The following ESRRG variants were observed in gnomAD, a reference collection of about 807,000 sequenced individuals.
ESRRG encodes estrogen-related receptor gamma.
A neutral mutation model predicts 44.0 loss-of-function variants in ESRRG; 13 were observed. The ratio of observed to expected loss-of-function variants is 0.30; its 90% CI spans 0.19 to 0.47. The LOEUF is 0.47. ESRRG is among the 20% of genes least tolerant of loss of function. ESRRG has a pLI of 1.00. For missense variants in ESRRG, 395 were observed against 580.6 expected, an observed-to-expected ratio of 0.68 and a Z score of 3.29; for synonymous variants, 215 against 214.6, an observed-to-expected ratio of 1.00 and a Z score of -0.02.
In ESRRG at chr1:216,677,254, C is replaced by T. The variant is rs1357962607; in HGVS notation, c.294G>A (p.Arg98=). Residue 98 remains arginine, a synonymous_variant, in exon 2 of 7, where the codon AGG becomes AGA. Transcript: ENST00000408911. ...TGCTGGAGCAGTCATCATACAGTTT[C>T]CTGACAGGCCCACTACCTCCCAGGA... ...APILGGSGPV[R]KLYDDCSSTI... The T allele has an allele frequency of 2.5e-6, 4 of 1,614,040 alleles. No individual in the cohort carries two copies. The highest frequency in any genetic ancestry group is 2.7e-5 in the African/African-American group (2 of 74,914).
intron 2 of ESRRG, among the ~76,000 whole-genome samples, chr1:216,740,125 C>T (rs1253110620): frequency 1.3e-5 from 2 of 152,148 alleles, no homozygotes; most frequent in Non-Finnish European, 2.9e-5. Context: ...GGCTACAGTC[C>T]TATCTCTAAA....
chr1:216,816,139 G>A (rs2095130007), intron 2 of ESRRG, among the ~76,000 whole-genome samples: 1 of 152,178 alleles, frequency 6.6e-6, no homozygotes, highest in South Asian at 2.1e-4. Flanking sequence ...TGGGTCATCA[G>A]AGTTAACTCG....
chr1:217,089,167 T>C (rs1265400691), intron 1 of ESRRG, among the ~76,000 whole-genome samples: 1 of 151,790 alleles, frequency 6.6e-6, no homozygotes, highest in East Asian at 1.9e-4. Flanking sequence ...CTGCCCTCAC[T>C]CTTTGCCACT....
intron 2 of ESRRG, among the ~76,000 whole-genome samples, chr1:216,735,736 T>C (rs1275437181): frequency 6.6e-6 from 1 of 152,014 alleles, no homozygotes; most frequent in Non-Finnish European, 1.5e-5. Context: ...ATCCCAGCAC[T>C]TTGGGAGACC....
intron 2 of ESRRG, among the ~76,000 whole-genome samples, chr1:216,837,410 C>CAAAAAA (rs3072231): frequency 0.031 from 4,540 of 148,128 alleles, 83 homozygotes; most frequent in Middle Eastern, 0.059. Flanking sequence ...GACTCCGTAT[C>CAAAAAA]AAAAAAAAAA....
intron 6 of ESRRG, among the ~76,000 whole-genome samples, chr1:216,514,640 T>G (rs1216701973): frequency 1.3e-5 from 2 of 152,074 alleles, no homozygotes; most frequent in South Asian, 4.1e-4. Context: ...TTTAGAAACA[T>G]GTATATAATT....
intron 2 of ESRRG, among the ~76,000 whole-genome samples, chr1:216,829,256 C>T (rs1383142006): frequency 2.6e-5 from 4 of 152,014 alleles, no homozygotes. Context: ...TGAACATACA[C>T]ACATTTACAG....
At chr1:216,545,512 AC>A (rs1313981015) in intron 5 of ESRRG, among the ~76,000 whole-genome samples, 1 of 152,080 alleles carries the variant, frequency 6.6e-6, no homozygotes, top group African/African-American at 2.4e-5. Flanking sequence ...TAAAAGACTT[AC>A]CTATTAAAAA....
intron 2 of ESRRG, among the ~76,000 whole-genome samples, chr1:216,929,906 T>A (rs1278749534): frequency 1.3e-5 from 2 of 152,116 alleles, no homozygotes; most frequent in Non-Finnish European, 2.9e-5. Context: ...CCTCCCCATG[T>A]TCTCATAGAA....
chr1:216,980,780 C>G (rs1560348067), intron 1 of ESRRG, among the ~76,000 whole-genome samples: 14 of 152,202 alleles, frequency 9.2e-5, no homozygotes. Flanking sequence ...CATTACAACT[C>G]TGTTCATTAA....
In ESRRG at chr1:217,060,849, C is replaced by T. The variant is rs536747245; in HGVS notation, c.-106+28658G>A. Among the ~76,000 whole-genome samples, 4 of 96,682 alleles carry T rather than the reference C, an allele frequency of 4.1e-5. No individual in the cohort carries two copies. The South Asian group carries it at 8.6e-4, about 21-fold the overall frequency. The allele number at this position is 96,682 out of a possible 152,430, so 63.4% of individuals were successfully genotyped here. ...ATAGATAGAAAAAAGGGAATAAATG[C>T]CTCTGAGAATTCCTAGTGCCTGAAA... On this transcript the variant is annotated intron_variant, in intron 1 of 7. Transcript: ENST00000359162.
intron 1 of ESRRG, among the ~76,000 whole-genome samples, chr1:216,994,484 C>T (rs971211320): frequency 6.6e-6 from 1 of 152,048 alleles, no homozygotes; most frequent in African/African-American, 2.4e-5. Flanking sequence ...CACACACACA[C>T]ATCCTGGTAC....
chr1:216,743,633 A>G lies in ESRRG; in HGVS notation c.-13-66142T>C, dbSNP rs150019053. On this transcript the variant is annotated intron_variant, in intron 2 of 7. Transcript: ENST00000359162. Reference sequence around the variant, plus strand: ...CTGTTAGCCACTAAGTGCTCTCACCATTGCCATCATCTTCACTGTTGTCAT... The same window carrying G: ...CTGTTAGCCACTAAGTGCTCTCACCGTTGCCATCATCTTCACTGTTGTCAT... 4.8e-3 allele frequency among the ~76,000 whole-genome samples: 731 copies of G among 151,546 alleles called. 5 individuals carry two copies. Among genetic ancestry groups the G allele is most frequent in the African/African-American group, 0.016 (681 of 41,300 alleles).
At chr1:216,898,002 A>G (rs1311400137) in intron 2 of ESRRG, among the ~76,000 whole-genome samples, 1 of 152,190 alleles carries the variant, frequency 6.6e-6, no homozygotes, top group Non-Finnish European at 1.5e-5. Flanking sequence ...TCATCTGCAC[A>G]ATGAATATGC....
At chr1:216,896,053 T>C (rs1398698968) in intron 2 of ESRRG, among the ~76,000 whole-genome samples, 1 of 152,210 alleles carries the variant, frequency 6.6e-6, no homozygotes, top group Non-Finnish European at 1.5e-5. Context: ...GGTAAGAGTA[T>C]ACAAATGATT....
At chr1:216,818,496 G>A (rs890069866) in intron 2 of ESRRG, among the ~76,000 whole-genome samples, 1 of 152,176 alleles carries the variant, frequency 6.6e-6, no homozygotes, top group African/African-American at 2.4e-5. Flanking sequence ...GTCATCAGAT[G>A]CCCTGTTCAA....
At chr1:217,016,536 A>G (rs188745040) in intron 1 of ESRRG, among the ~76,000 whole-genome samples, 74 of 152,152 alleles carry the variant, frequency 4.9e-4, no homozygotes, top group Middle Eastern at 6.8e-3. Context: ...TCCAACTTCT[A>G]CTACCAGTTA....
At chr1:217,007,667 A>G (rs35295381) in intron 1 of ESRRG, among the ~76,000 whole-genome samples, 2,235 of 152,258 alleles carry the variant, frequency 0.015, 26 homozygotes, top group Non-Finnish European at 0.023. Context: ...GATGAAACTG[A>G]GCTTTCTAAA....
intron 1 of ESRRG, among the ~76,000 whole-genome samples, chr1:216,963,688 C>T (rs1560281891): frequency 1.3e-5 from 2 of 152,048 alleles, no homozygotes; most frequent in South Asian, 2.1e-4. Flanking sequence ...TAGGGAAACC[C>T]GAGAAGAGGA....
Sources: gnomAD v4.1 joint callset for allele counts (sites outside exome capture counted in the v4.1 genomes callset) on GRCh38, gnomAD v4.1.1 for gene constraint, MANE v1.5 for transcripts, NCBI Gene and HGNC (gene_info 2026-07-23, HGNC 2026-07-21) for gene names.